The following GOLGA4 variants were observed in gnomAD, a reference collection of about 807,000 sequenced individuals.
The protein encoded by GOLGA4 is golgin A4.
GOLGA4 carries 169 observed loss-of-function variants against 265.9 expected under a neutral mutation model. The ratio of observed to expected loss-of-function variants is 0.64; its 90% CI spans 0.56 to 0.72. GOLGA4 has a LOEUF of 0.72. GOLGA4 is among the 30% of genes least tolerant of loss of function. GOLGA4 has a pLI of 0.00. For synonymous variants in GOLGA4, 923 were observed against 855.8 expected (o/e 1.08, Z -1.37); for missense variants, 2,482 against 2,483.4 (o/e 1.00, Z 0.01).
rs1337195177 is a variant in GOLGA4, at chr3:37,282,326, T to C, written c.477+54T>C. 7 of 1,269,316 alleles carry C rather than the reference T, an allele frequency of 5.5e-6. No individual in the cohort carries two copies. The South Asian group carries it at 7.7e-5, about 14-fold the overall frequency. The allele number at this position is 1,269,316 out of a possible 1,614,324, so 78.6% of individuals were successfully genotyped here. A position where few individuals can be genotyped will look rare whatever the true frequency, so the allele number is the denominator to read the frequency against. ...AAAATTTCTTCCCCTTGTTCTCTCA[T>C]TCATATTACTGTATTGCTTTACTCC... is the stretch of plus-strand genomic sequence containing the variant. On this transcript the variant is annotated intron_variant, in intron 3 of 23. Coordinates refer to ENST00000361924, the MANE Select transcript of GOLGA4 (RefSeq NM_002078.5).
At chr3:37,307,833 A>T (rs2096911125) in intron 10 of GOLGA4, among the ~76,000 whole-genome samples, 1 of 152,192 alleles carries the variant, frequency 6.6e-6, no homozygotes, top group Non-Finnish European at 1.5e-5. Context: ...TTGGTGCGGG[A>T]TTATATTTCT....
At position 37,325,918 on chromosome 3, in the gene GOLGA4, G is replaced by A; in HGVS notation, c.4032G>A (p.Leu1344=). Residue 1344 remains leucine, a synonymous_variant, in exon 14 of 24, where the codon TTG becomes TTA. Transcript: ENST00000361924. ...AAAAGGAGTCTTGTATAACACAGTTGAAGAAAGAGTTATCTGAAAACATCA... is the reference window on the plus strand; with the variant it reads ...AAAAGGAGTCTTGTATAACACAGTTAAAGAAAGAGTTATCTGAAAACATCA... The part of the protein sequence containing the change: ...ASEKESCITQ[L]KKELSENINA... 1 of 1,612,964 alleles carries A rather than the reference G, an allele frequency of 6.2e-7. No individual in the cohort carries two copies. Among genetic ancestry groups the A allele is most frequent in the South Asian group, 1.1e-5 (1 of 90,970 alleles).
At chr3:37,349,712 C>T (rs1194097606) in intron 21 of GOLGA4, among the ~76,000 whole-genome samples, 2 of 152,078 alleles carry the variant, frequency 1.3e-5, no homozygotes, top group African/African-American at 4.8e-5. Context: ...TATACATTAA[C>T]AAAGAATTTG....
chr3:37,280,151 T>G (rs1331336965), intron 2 of GOLGA4, among the ~76,000 whole-genome samples: 1 of 152,236 alleles, frequency 6.6e-6, no homozygotes, highest in African/African-American at 2.4e-5. Flanking sequence ...TGCTGCTTAG[T>G]TACCCTGAAC....
In GOLGA4 at chr3:37,327,665, G is replaced by T. The variant is rs1394452100; in HGVS notation, c.5779G>T (p.Asp1927Tyr). 6.8e-6 allele frequency: 11 copies of T among 1,613,878 alleles called. No homozygotes were observed. The highest frequency in any genetic ancestry group is 9.3e-6 in the Non-Finnish European group (11 of 1,179,896). Reference protein sequence around the residue: ...LLSNMEAQHNDLEFKLAGAER... With the variant: ...LLSNMEAQHNYLEFKLAGAER... ...TAGTAACATGGAAGCCCAGCACAATGATCTGGAGTTTAAATTAGCCGGGGC... is the reference window on the plus strand; with the variant it reads ...TAGTAACATGGAAGCCCAGCACAATTATCTGGAGTTTAAATTAGCCGGGGC... Residue 1927 changes from aspartate to tyrosine, a missense_variant, in exon 14 of 24, where the codon GAT becomes TAT. Transcript: ENST00000361924.
In GOLGA4 at chr3:37,325,685, A is replaced by G. The variant is rs754801061; in HGVS notation, c.3799A>G (p.Lys1267Glu). ...TTKVKEALLIKTCTVSELEAQ... is the reference protein window; with the variant it reads ...TTKVKEALLIETCTVSELEAQ... ...TAAAGTTAAGGAGGCACTGTTAATT[A>G]AAACTTGCACAGTTTCTGAATTAGA... is the stretch of plus-strand genomic sequence containing the variant. The change falls in exon 14 of 24, where the codon AAA becomes GAA. Residue 1267 changes from lysine to glutamate, a missense_variant. Around this residue, in one of 3 missense-constraint regions of GOLGA4, gnomAD observed 1,536 missense variants for 1,483.7 expected, o/e 1.04. Coordinates refer to ENST00000361924, the MANE Select transcript of GOLGA4 (RefSeq NM_002078.5). 1 of 1,613,562 alleles carries G rather than the reference A, an allele frequency of 6.2e-7. No individual in the cohort carries two copies. The highest frequency in any genetic ancestry group is 8.5e-7 in the Non-Finnish European group (1 of 1,179,564).
At chr3:37,298,748 C>G in intron 7 of GOLGA4, 85 bp from the exon 8 acceptor site, 1 of 856,224 alleles carries the variant, frequency 1.2e-6, no homozygotes, top group Non-Finnish European at 1.8e-6. Context: ...TAGATTAGAT[C>G]TCTTTGACTG....
Position 37,296,130 on chromosome 3 carries a change from TTGA to T in GOLGA4, c.728_730del (p.Asp243del), listed in dbSNP as rs775571994. On this transcript the variant is annotated inframe_deletion, in exon 7 of 24. Coordinates refer to ENST00000361924, the MANE Select transcript of GOLGA4 (RefSeq NM_002078.5). ...CGATTACGAAATGGCCCGATGAATG[TTGA>T]TGTACTGAAACCACTTCCTCAGCTG... is the stretch of plus-strand genomic sequence containing the variant. 9 of 1,613,650 alleles carry T rather than the reference TTGA, an allele frequency of 5.6e-6. No individual in the cohort carries two copies. The highest frequency in any genetic ancestry group is 6.8e-6 in the Non-Finnish European group (8 of 1,179,514).
At chr3:37,336,855 T>A (rs912482191) in intron 17 of GOLGA4, among the ~76,000 whole-genome samples, 3 of 151,686 alleles carry the variant, frequency 2.0e-5, no homozygotes, top group Non-Finnish European at 4.4e-5. Flanking sequence ...CTACTCAACA[T>A]TTTTTTTTCT....
At chr3:37,335,322 A>G (rs1260006435) in intron 17 of GOLGA4, among the ~76,000 whole-genome samples, 156 bp downstream of exon 17, 1 of 152,218 alleles carries the variant, frequency 6.6e-6, no homozygotes, top group Admixed American at 6.5e-5. Flanking sequence ...GATAAACTAA[A>G]TGTTCAAAGA....
intron 23 of GOLGA4, among the ~76,000 whole-genome samples, chr3:37,363,462 C>T (rs1340017496): frequency 6.6e-6 from 1 of 152,132 alleles, no homozygotes; most frequent in Non-Finnish European, 1.5e-5. Context: ...ATAAGATTTG[C>T]AAAAATAGTA....
intron 5 of GOLGA4, among the ~76,000 whole-genome samples, chr3:37,293,363 C>T (rs1408196179): frequency 6.6e-6 from 1 of 152,012 alleles, no homozygotes; most frequent in African/African-American, 2.4e-5. Context: ...TGGCCCAAGA[C>T]AATTCTTTTT....
intron 22 of GOLGA4, among the ~76,000 whole-genome samples, chr3:37,360,681 G>T (rs1696186211): frequency 6.6e-6 from 1 of 152,122 alleles, no homozygotes; most frequent in Non-Finnish European, 1.5e-5. Context: ...ATTTGAGATT[G>T]AGTTTCCTTA....
At position 37,326,641 on chromosome 3, in the gene GOLGA4, A is replaced by T; in HGVS notation, c.4755A>T (p.Glu1585Asp). The change falls in exon 14 of 24, where the codon GAA becomes GAT. Residue 1585 changes from glutamate (E) to aspartate (D), a missense_variant. Physicochemically the swap from Glu to Asp is conservative, Grantham distance 45 (BLOSUM62 2). This residue lies in a region of GOLGA4 where 942 missense variants were observed against 983.1 expected (regional missense o/e 0.96). Transcript: ENST00000361924. ...EKDNRVKEAE[E>D]KILTLENQVY... ...ACAACAGGGTTAAAGAAGCTGAAGA[A>T]AAAATCTTAACACTTGAAAACCAAG... 1 of 1,611,738 alleles carries T rather than the reference A, an allele frequency of 6.2e-7. No homozygotes were observed. The highest frequency in any genetic ancestry group is 8.5e-7 in the Non-Finnish European group (1 of 1,179,240).
At chr3:37,247,502 A>G (rs1365331579) in intron 1 of GOLGA4, among the ~76,000 whole-genome samples, 1 of 152,228 alleles carries the variant, frequency 6.6e-6, no homozygotes, top group Non-Finnish European at 1.5e-5. Context: ...GCCTTGATGG[A>G]TAATGAAAAG....
intron 3 of GOLGA4, 42 bp downstream of exon 3, chr3:37,282,314 C>G: frequency 7.0e-7 from 1 of 1,419,136 alleles, no homozygotes; most frequent in Non-Finnish European, 9.9e-7. Context: ...ATTTCTTCCC[C>G]TTGTTCTCTC....
At position 37,275,823 on chromosome 3, in the gene GOLGA4, C is replaced by T. The variant is rs916038683; in HGVS notation, c.163-6135C>T. On this transcript the variant is annotated intron_variant, in intron 2 of 23. Coordinates refer to ENST00000361924, the MANE Select transcript of GOLGA4 (RefSeq NM_002078.5). ...ATGACCCTGGAATTACTGCAGTCCA[C>T]AAGAATCGGAATGTCAGTTAATGCT... 5.0e-6 allele frequency: 8 copies of T among 1,613,610 alleles called. No homozygotes were observed. The African/African-American group carries it at 1.1e-4, about 22-fold the overall frequency.
chr3:37,311,322 TC>T (rs2096922668), intron 10 of GOLGA4, among the ~76,000 whole-genome samples: 1 of 152,190 alleles, frequency 6.6e-6, no homozygotes, highest in Non-Finnish European at 1.5e-5. Flanking sequence ...AGTTAACATT[TC>T]CTTAAAGCAC....
At chr3:37,365,671 G>A (rs1490453239) in intron 23 of GOLGA4, among the ~76,000 whole-genome samples, 2 of 152,166 alleles carry the variant, frequency 1.3e-5, no homozygotes, top group Non-Finnish European at 2.9e-5. Context: ...ATGGTAAATG[G>A]TTGCAGTTCC....
Sources: allele counts gnomAD v4.1 joint callset (sites outside exome capture counted in the v4.1 genomes callset), GRCh38; gene constraint gnomAD v4.1.1; regional missense constraint gnomAD v4.1.1; transcripts MANE v1.5; gene names NCBI Gene and HGNC (gene_info 2026-07-23, HGNC 2026-07-21).